The following DAB1 variants were observed in gnomAD, a reference collection of about 807,000 sequenced individuals.
The protein encoded by DAB1 is DAB adaptor protein 1, also known as disabled homolog 1.
DAB1 carries 15 observed loss-of-function variants against 64.6 expected under a neutral mutation model. The ratio of observed to expected loss-of-function variants is 0.23; its 90% CI spans 0.16 to 0.36. DAB1 has a LOEUF of 0.36. Among genes scored for constraint, DAB1 ranks in the 10% least tolerant of loss-of-function variants. The pLI is 1.00. For synonymous variants in DAB1, 235 were observed against 251.9 expected, an observed-to-expected ratio of 0.93 and a Z score of 0.64; for missense variants, 596 against 706.7, an observed-to-expected ratio of 0.84 and a Z score of 1.78.
intron 1 of DAB1, chr1:57,880,708 A>G (rs935059295): frequency 3.3e-5 from 5 of 152,194 alleles, no homozygotes; most frequent in African/African-American, 9.7e-5. Flanking sequence ...TGTCAATTAC[A>G]ACTGAATAAA....
intron 3 of DAB1, among the ~76,000 whole-genome samples, chr1:58,439,396 T>C (rs1046674360): frequency 6.6e-6 from 1 of 152,178 alleles, no homozygotes; most frequent in African/African-American, 2.4e-5. Flanking sequence ...AAACATTTAT[T>C]GGAGGAACAT....
chr1:57,239,436 C>T (rs1034710339), intron 2 of DAB1, among the ~76,000 whole-genome samples: 1 of 152,200 alleles, frequency 6.6e-6, no homozygotes, highest in Non-Finnish European at 1.5e-5. Flanking sequence ...TGCAGTATCT[C>T]CTGTGCCTAG....
intron 5 of DAB1, among the ~76,000 whole-genome samples, chr1:58,045,704 A>G (rs1319295767): frequency 6.6e-6 from 1 of 151,190 alleles, no homozygotes; most frequent in Non-Finnish European, 1.5e-5. Context: ...ATCCATACTC[A>G]CTCACCCCTT....
chr1:57,897,347 C>G (rs186121914), intron 5 of DAB1, among the ~76,000 whole-genome samples: 124 of 152,250 alleles, frequency 8.1e-4, no homozygotes, highest in Non-Finnish European at 1.4e-3. Flanking sequence ...GAGAACGAGA[C>G]AGGCAGAGTG....
At chr1:58,104,522 C>A (rs1004297) in intron 5 of DAB1, among the ~76,000 whole-genome samples, 25,657 of 152,100 alleles carry the variant, frequency 0.17, 2,924 homozygotes, top group East Asian at 0.44. Context: ...TGTGTTTTCC[C>A]CAATTTTTTT....
intron 6 of DAB1, among the ~76,000 whole-genome samples, chr1:57,678,710 C>G (rs538622003): frequency 6.6e-6 from 1 of 150,758 alleles, no homozygotes; most frequent in African/African-American, 2.4e-5. Context: ...CCAAGCATCT[C>G]GCTTAGTATT....
At chr1:57,123,408 G>A (rs1039867801) in intron 4 of DAB1, among the ~76,000 whole-genome samples, 1 of 152,058 alleles carries the variant, frequency 6.6e-6, no homozygotes, top group East Asian at 1.9e-4. Context: ...CTGAAATTAG[G>A]ACAGAGGCAT....
intron 8 of DAB1, among the ~76,000 whole-genome samples, chr1:57,064,940 C>T (rs961159306): frequency 6.6e-6 from 1 of 152,174 alleles, no homozygotes; most frequent in Non-Finnish European, 1.5e-5. Flanking sequence ...CAATAAATTA[C>T]CAGCCCTCAC....
At chr1:57,121,987 T>A (rs1051159956) in intron 4 of DAB1, among the ~76,000 whole-genome samples, 2 of 152,160 alleles carry the variant, frequency 1.3e-5, no homozygotes, top group Admixed American at 6.5e-5. Flanking sequence ...CCTCCGATAT[T>A]TTCAGTTCTG....
intron 2 of DAB1, among the ~76,000 whole-genome samples, chr1:58,507,362 A>G (rs1471479433): frequency 6.6e-6 from 1 of 152,002 alleles, no homozygotes; most frequent in Non-Finnish European, 1.5e-5. Flanking sequence ...AAAGGCAAAT[A>G]TATTAATAGA....
At chr1:58,305,978 A>AC (rs551601188) in intron 4 of DAB1, among the ~76,000 whole-genome samples, 129 of 147,858 alleles carry the variant, frequency 8.7e-4, no homozygotes, top group African/African-American at 2.9e-3. Context: ...TGACAGGAGC[A>AC]CCCCCCCACC....
rs552163448 is a variant in DAB1, at chr1:57,735,799, C to T, written n.552-86134G>A. Among the ~76,000 whole-genome samples, 478 of 152,156 alleles carry T rather than the reference C, an allele frequency of 3.1e-3. 4 individuals carry two copies. The highest frequency in any genetic ancestry group is 0.011 in the African/African-American group (461 of 41,514). ...AGAATGTTAAATATCCACAAACATA[C>T]TCATAATTCTTCCTCCCATCAGAAA... On this transcript the variant is annotated intron_variant and non_coding_transcript_variant, in intron 6 of 20. Transcript: ENST00000485760.
At chr1:58,238,300 C>T (rs551483424) in intron 4 of DAB1, among the ~76,000 whole-genome samples, 2 of 151,776 alleles carry the variant, frequency 1.3e-5, no homozygotes, top group East Asian at 1.9e-4. Context: ...GAATGCTTCC[C>T]AGAGGAAATG....
chr1:57,390,032 TGTTGTTAA>T (rs369297020), intron 1 of DAB1, among the ~76,000 whole-genome samples: 141 of 152,306 alleles, frequency 9.3e-4, no homozygotes, highest in Non-Finnish European at 1.5e-3. Context: ...CCCAAACCAA[TGTTGTTAA>T]TACTGCATCC....
At position 57,634,241 on chromosome 1, in the gene DAB1, C is replaced by T. The variant is rs77136640; in HGVS notation, n.625+15351G>A. ...CAATAATGTAAGATTTAGCATAGTA[C>T]CTGGCACACAGCATTGTGCTGAAAG... On this transcript the variant is annotated intron_variant and non_coding_transcript_variant, in intron 7 of 20. Coordinates refer to the DAB1 transcript ENST00000485760. Among the ~76,000 whole-genome samples, 414 of 152,282 alleles carry T rather than the reference C, an allele frequency of 2.7e-3. 1 individual carries two copies. The highest frequency in any genetic ancestry group is 7.8e-3 in the African/African-American group (325 of 41,556).
intron 3 of DAB1, among the ~76,000 whole-genome samples, chr1:58,479,759 G>A (rs542792867): frequency 1.3e-5 from 2 of 152,292 alleles, no homozygotes; most frequent in South Asian, 4.1e-4. Flanking sequence ...TAAAAAAATG[G>A]ACAGATTTGT....
chr1:57,365,182 T>C (rs1388227290), intron 1 of DAB1, among the ~76,000 whole-genome samples: 1 of 142,992 alleles, frequency 7.0e-6, no homozygotes. Context: ...ATCTTCTTTA[T>C]ATATAAAGAA....
At chr1:57,245,713 A>G (rs186463303) in intron 2 of DAB1, among the ~76,000 whole-genome samples, 48 of 152,342 alleles carry the variant, frequency 3.2e-4, no homozygotes, top group African/African-American at 1.1e-3. Context: ...CCAAGTCTTT[A>G]CTATTGCGAA....
rs181683968 is a variant in DAB1, at chr1:58,226,048, T to G, written n.310-75460A>C. On this transcript the variant is annotated intron_variant and non_coding_transcript_variant, in intron 4 of 20. Transcript: ENST00000485760. ...AGCTTGAGCCAGGATTTGGCCTAAC[T>G]GCTCATCTCCAGCTCTTAATTGTGT... Among the ~76,000 whole-genome samples the G allele has an allele frequency of 2.6e-5, 4 of 151,858 alleles. No individual in the cohort carries two copies. In the East Asian group the frequency reaches 7.8e-4, roughly 29 times the overall value.
Sources: gnomAD v4.1 joint callset for allele counts (sites outside exome capture counted in the v4.1 genomes callset) on GRCh38, gnomAD v4.1.1 for gene constraint, MANE v1.5 for transcripts, NCBI Gene and HGNC (gene_info 2026-07-23, HGNC 2026-07-21) for gene names.